Variants in CIT observed in about 807,000 individuals in gnomAD.
The protein encoded by CIT is citron rho-interacting serine/threonine kinase, also known as citron Rho-interacting kinase.
A neutral mutation model predicts 272.7 loss-of-function variants in CIT; 79 were observed. That is an observed-to-expected ratio of 0.29 (90% CI 0.24 to 0.35). The LOEUF (loss-of-function observed/expected upper bound fraction) is 0.35. Among genes scored for constraint, CIT ranks in the 10% least tolerant of loss-of-function variants. The pLI, the probability that CIT is intolerant of heterozygous loss-of-function variation, is 1.00. For missense variants in CIT, 1,909 were observed against 2,618.3 expected (o/e 0.73, Z 5.91); for synonymous variants, 948 against 995.6 (o/e 0.95, Z 0.90).
chr12:119,710,510 A>G lies in CIT; in HGVS notation c.4935+30T>C, dbSNP rs1414667572. 2 of 1,613,276 alleles carry G rather than the reference A, an allele frequency of 1.2e-6. No individual in the cohort carries two copies. Among genetic ancestry groups the G allele is most frequent in the Non-Finnish European group, 1.7e-6 (2 of 1,179,216 alleles). On this transcript the variant is annotated intron_variant, in intron 38 of 47. Coordinates refer to ENST00000392521, the MANE Select transcript of CIT (RefSeq NM_001206999.2). The surrounding 1 kb of genome is among the most constrained non-coding windows in gnomAD (Gnocchi z 5.6). Reference sequence around the variant, plus strand: ...TGATGGGGTGTGGCTGTAACCAGACACCAGCTGGCCGTGCCCATGCAAGCA... The same window carrying G: ...TGATGGGGTGTGGCTGTAACCAGACGCCAGCTGGCCGTGCCCATGCAAGCA...
intron 10 of CIT, among the ~76,000 whole-genome samples, chr12:119,797,815 A>G (rs1965862977): frequency 6.6e-6 from 1 of 152,212 alleles, no homozygotes. Context: ...TTCCACTGGT[A>G]TCAGCCATCC....
chr12:119,776,486 G>T, intron 14 of CIT, 78 bp from the exon 15 acceptor site: 1 of 1,285,168 alleles, frequency 7.8e-7, no homozygotes, highest in Non-Finnish European at 1.1e-6. Flanking sequence ...CTTGGTCTCT[G>T]TGACCAAGAT....
rs183622612 is a variant in CIT, at chr12:119,804,187, G to A, written c.1112-798C>T. ...CCTCCTCAGGGCTTCACTCCCGGCT[G>A]GGGGCGTGTTACATCCTCTCCACTT... On this transcript the variant is annotated intron_variant, in intron 9 of 47. Coordinates refer to ENST00000392521, the MANE Select transcript of CIT (RefSeq NM_001206999.2). The surrounding 1 kb of genome is among the most constrained non-coding windows in gnomAD (Gnocchi z 5.3). 1.3e-3 allele frequency: 1,315 copies of A among 985,464 alleles called. 1 individual carries two copies. Among genetic ancestry groups the A allele is most frequent in the Middle Eastern group, 2.1e-3 (4 of 1,914 alleles). 61.0% of individuals were successfully genotyped at this position (985,464 alleles called of 1,614,324 possible). A position where few individuals can be genotyped will look rare whatever the true frequency, so the allele number is the denominator to read the frequency against.
At chr12:119,789,047 G>A (rs999791966) in intron 10 of CIT, among the ~76,000 whole-genome samples, 1 of 152,088 alleles carries the variant, frequency 6.6e-6, no homozygotes, top group Non-Finnish European at 1.5e-5. Context: ...ACCTTCCCTG[G>A]TCCTCAATGC....
chr12:119,705,739 T>A (rs1956835382), intron 40 of CIT, among the ~76,000 whole-genome samples: 1 of 125,574 alleles, frequency 8.0e-6, no homozygotes, highest in African/African-American at 3.0e-5. Flanking sequence ...ACCACTGCAT[T>A]CCAGCCTGGG....
chr12:119,797,362 G>C (rs1965815332), intron 10 of CIT, among the ~76,000 whole-genome samples: 1 of 152,342 alleles, frequency 6.6e-6, no homozygotes, highest in South Asian at 2.1e-4. Flanking sequence ...AGTCTAAATA[G>C]AGAACAGAAT....
intron 25 of CIT, 92 bp downstream of exon 25, chr12:119,735,068 A>G (rs1958678694): frequency 8.6e-7 from 1 of 1,157,948 alleles, no homozygotes; most frequent in Non-Finnish European, 1.3e-6. Flanking sequence ...TATGAGGTTC[A>G]GTGTTGGAAC....
At chr12:119,753,921 G>A (rs762552107) in intron 22 of CIT, among the ~76,000 whole-genome samples, 41 of 152,212 alleles carry the variant, frequency 2.7e-4, no homozygotes, top group African/African-American at 5.8e-4. Flanking sequence ...GATGTCTAAC[G>A]TCTACTAATA....
intron 37 of CIT, among the ~76,000 whole-genome samples, chr12:119,711,521 C>T (rs1957158655): frequency 6.6e-6 from 1 of 152,236 alleles, no homozygotes; most frequent in Non-Finnish European, 1.5e-5. Context: ...GCTTCTAACT[C>T]AAGCCTTCAA....
chr12:119,735,180 G>T lies in CIT; in HGVS notation c.3136C>A (p.Gln1046Lys). ...CTTACTTGCTTCTGGCTGGTAAGCT[G>T]CATCTCTCGTTCCGTGATCTCCCGG... ...LRREITEREM[Q>K]LTSQKQTMEA... The change falls in exon 25 of 48, where the codon CAG (glutamine) becomes AAG (lysine). Residue 1046 changes from glutamine to lysine, a missense_variant. Gln to Lys is a moderately conservative substitution (Grantham distance 53, BLOSUM62 1). Transcript: ENST00000392521. 6.2e-7 allele frequency: 1 copy of T among 1,614,018 alleles called. No individual in the cohort carries two copies. Among genetic ancestry groups the T allele is most frequent in the Non-Finnish European group, 8.5e-7 (1 of 1,180,028 alleles).
In CIT at chr12:119,718,606, G is replaced by T. The variant is rs1957669279; in HGVS notation, c.4003+93C>A. 6.5e-7 allele frequency: 1 copy of T among 1,532,428 alleles called. No individual in the cohort carries two copies. The allele number at this position is 1,532,428 out of a possible 1,614,324, so 94.9% of individuals were successfully genotyped here. A position where few individuals can be genotyped will look rare whatever the true frequency, so the allele number is the denominator to read the frequency against. On this transcript the variant is annotated intron_variant, in intron 31 of 47. Transcript: ENST00000392521. The surrounding 1 kb of genome is among the most constrained non-coding windows in gnomAD (Gnocchi z 4.8). ...TGAAAGCGTATGGGCCATAAACGAA[G>T]ACACTGAGCTAGTTAGTCTTGGCTG... is the stretch of plus-strand genomic sequence containing the variant.
chr12:119,699,134 T>TA (rs1489205234), intron 44 of CIT, among the ~76,000 whole-genome samples: 6 of 151,556 alleles, frequency 4.0e-5, no homozygotes. Context: ...CAGGCGCCTG[T>TA]AATCCCAGCT....
At chr12:119,700,649 G>C in intron 44 of CIT, 96 bp downstream of exon 44, 1 of 1,010,050 alleles carries the variant, frequency 9.9e-7, no homozygotes, top group Non-Finnish European at 1.6e-6. Context: ...CCAAAGTGTT[G>C]GGATTACAGG....
At chr12:119,689,695 T>TTTTTTTTTTTG (rs1555213865) in intron 47 of CIT, among the ~76,000 whole-genome samples, 2 of 142,202 alleles carry the variant, frequency 1.4e-5, no homozygotes, top group African/African-American at 5.4e-5. Flanking sequence ...TTTTTTTTTT[T>TTTTTTTTTTTG]AAGACAGAGT....
chr12:119,824,108 GTATATATATATATATA>G (rs59234933), intron 8 of CIT, among the ~76,000 whole-genome samples: 8,912 of 125,494 alleles, frequency 0.071, 682 homozygotes, highest in African/African-American at 0.2. Flanking sequence ...TAGTTTTACT[GTATATATATATATATA>G]TATATATATA....
rs3999585 is a variant in CIT at position 119,774,558 on chromosome 12, ATGTGTG to A, written c.1941+1222_1941+1227del. 8.5e-3 allele frequency among the ~76,000 whole-genome samples: 1,276 copies of A among 150,616 alleles called. 14 individuals carry two copies. Among genetic ancestry groups the A allele is most frequent in the African/African-American group, 0.027 (1,100 of 41,176 alleles). On this transcript the variant is annotated intron_variant, in intron 16 of 47. Transcript: ENST00000392521. ...TTGACTTAATCATTTCACAATGTATATGTGTGTGTGTGTGTGTGTGTGTGTGTATAC... is the reference window on the plus strand; with the variant it reads ...TTGACTTAATCATTTCACAATGTATATGTGTGTGTGTGTGTGTGTGTATAC...
intron 28 of CIT, among the ~76,000 whole-genome samples, chr12:119,725,136 C>CT (rs1958020450): frequency 6.6e-6 from 1 of 151,830 alleles, no homozygotes; most frequent in African/African-American, 2.4e-5. Context: ...TAAAAGTCTC[C>CT]TTATAGGCCA....
intron 8 of CIT, 130 bp from the exon 9 acceptor site, chr12:119,823,103 C>T (rs1967865027): frequency 5.6e-6 from 5 of 895,494 alleles, no homozygotes; most frequent in East Asian, 5.4e-5. Context: ...AAGTTTCGTG[C>T]CCTCTTCCCT....
At chr12:119,745,288 G>C (rs1959200807) in intron 23 of CIT, among the ~76,000 whole-genome samples, 1 of 139,604 alleles carries the variant, frequency 7.2e-6, no homozygotes, top group East Asian at 2.2e-4. Context: ...TTCTCACCAA[G>C]ATGGGGAGAA....
Sources: gnomAD v4.1 joint callset for allele counts (sites outside exome capture counted in the v4.1 genomes callset) on GRCh38, gnomAD v4.1.1 for gene constraint, Gnocchi (gnomAD v3.1) non-coding constraint, MANE v1.5 for transcripts, NCBI Gene and HGNC (gene_info 2026-07-23, HGNC 2026-07-21) for gene names.